Variants in DYSF observed in about 807,000 individuals in gnomAD.
DYSF encodes dysferlin.
Under a neutral mutation model 274.9 loss-of-function variants are expected in DYSF, and 212 were observed. That is an observed-to-expected ratio of 0.77 (90% CI 0.69 to 0.86). The LOEUF is 0.86. Among genes scored for constraint, DYSF ranks in the 40% least tolerant of loss-of-function variants. The pLI is 0.00. For synonymous variants in DYSF, 1,091 were observed against 1,078.7 expected (o/e 1.01, Z -0.22); for missense variants, 2,666 against 2,783.2 (o/e 0.96, Z 0.95).
In DYSF at chr2:71,658,902, C is replaced by T. The variant is rs149768871; in HGVS notation, c.4780C>T (p.Pro1594Ser). ...GGGCCTCTTCAAAATTTATCCCCTC[C>T]CAGAAGACCCAGCCATCCCCATGCC... ...FKGLFKIYPL[P>S]EDPAIPMPPR... The change falls in exon 44 of 56, where the codon CCA (proline) becomes TCA (serine). Residue 1594 changes from proline to serine, a missense_variant. By Grantham distance (74) the Pro-to-Ser change is moderately conservative. Transcript: ENST00000410020. 76 of 1,614,152 alleles carry T rather than the reference C, an allele frequency of 4.7e-5. 1 individual carries two copies. In the African/African-American group the frequency reaches 9.2e-4, roughly 20 times the overall value.
chr2:71,617,911 G>GGT (rs1295834399), intron 40 of DYSF, among the ~76,000 whole-genome samples: 1 of 80,620 alleles, frequency 1.2e-5, no homozygotes, highest in African/African-American at 4.2e-5. Flanking sequence ...TTGTGGTAGA[G>GGT]GTGTGTGTGT....
At chr2:71,484,155 C>T (rs763238909) in intron 3 of DYSF, among the ~76,000 whole-genome samples, 5 of 142,858 alleles carry the variant, frequency 3.5e-5, no homozygotes, top group East Asian at 4.2e-4. Context: ...CAGGTTCAAG[C>T]GATTCTCCTG....
intron 47 of DYSF, among the ~76,000 whole-genome samples, chr2:71,665,837 C>T (rs886079931): frequency 3.3e-5 from 5 of 151,232 alleles, no homozygotes; most frequent in African/African-American, 1.2e-4. Context: ...CCCAGCTCTC[C>T]TGGCTGAGAA....
intron 3 of DYSF, among the ~76,000 whole-genome samples, chr2:71,500,920 C>G (rs543693722): frequency 3.9e-5 from 6 of 152,176 alleles, no homozygotes; most frequent in African/African-American, 1.4e-4. Context: ...CCAGTTTTCT[C>G]GTGATGGGCA....
upstream of DYSF, among the ~76,000 whole-genome samples, chr2:71,465,629 T>G (rs186222625): frequency 2.1e-3 from 316 of 152,252 alleles, 2 homozygotes; most frequent in Admixed American, 2.7e-3. Flanking sequence ...CCTGTGAGAA[T>G]GCTGTATCCC....
intron 14 of DYSF, among the ~76,000 whole-genome samples, chr2:71,533,394 C>G (rs193070343): frequency 1.3e-5 from 2 of 152,330 alleles, no homozygotes; most frequent in East Asian, 3.9e-4. Context: ...GCTTTTTTCA[C>G]TTAATCATAT....
intron 3 of DYSF, among the ~76,000 whole-genome samples, chr2:71,493,232 G>A (rs1009789235): frequency 2.6e-5 from 4 of 152,076 alleles, no homozygotes; most frequent in African/African-American, 9.7e-5. Context: ...TTCCAGTCAT[G>A]TTAATGGATG....
chr2:71,480,106 A>G (rs1364775898), intron 1 of DYSF, among the ~76,000 whole-genome samples: 1 of 152,180 alleles, frequency 6.6e-6, no homozygotes, highest in Non-Finnish European at 1.5e-5. Flanking sequence ...TAGCCCCTGG[A>G]AACAACTAAT....
intron 41 of DYSF, among the ~76,000 whole-genome samples, chr2:71,630,245 C>T (rs1233157171): frequency 2.0e-5 from 3 of 152,164 alleles, no homozygotes; most frequent in Non-Finnish European, 2.9e-5. Context: ...AGAAATCCAG[C>T]AGGGTGGGAG....
At chr2:71,592,063 G>A (rs1157871698) in intron 32 of DYSF, among the ~76,000 whole-genome samples, 1 of 152,252 alleles carries the variant, frequency 6.6e-6, no homozygotes, top group Non-Finnish European at 1.5e-5. Flanking sequence ...ACATGGACGA[G>A]TTTATAGCCT....
chr2:71,661,706 T>C (rs139080832), intron 45 of DYSF, among the ~76,000 whole-genome samples: 1 of 152,158 alleles, frequency 6.6e-6, no homozygotes, highest in African/African-American at 2.4e-5. Flanking sequence ...GGCAGCTATT[T>C]CTCTCGCACC....
In DYSF at chr2:71,515,747, A is replaced by T; in HGVS notation, c.884A>T (p.Asn295Ile). Residue 295 changes from asparagine (N) to isoleucine (I), a missense_variant, in exon 8 of 56, where the codon AAT becomes ATT. Transcript: ENST00000410020. ...RIHKGNSPLFNETLFFNLFDS... is the reference protein window; with the variant it reads ...RIHKGNSPLFIETLFFNLFDS... ...CACAAGGGAAACAGCCCACTCTTCA[A>T]TGAGGTGGGAGACATGGGGCATGAG... 6.2e-7 allele frequency: 1 copy of T among 1,614,134 alleles called. No homozygotes were observed. Among genetic ancestry groups the T allele is most frequent in the Non-Finnish European group, 8.5e-7 (1 of 1,180,018 alleles).
chr2:71,654,475 A>G lies in DYSF; in HGVS notation c.4627-1687A>G, dbSNP rs1039075896. The stretch of plus-strand genomic sequence containing the variant: ...AGATTTTAAAACTCCCACACCGTAT[A>G]AGTGGTTTAAAAAAATAATGTTGAT... On this transcript the variant is annotated intron_variant, in intron 42 of 55. Coordinates refer to ENST00000410020, the MANE Select transcript of DYSF (RefSeq NM_001130987.2). Among the ~76,000 whole-genome samples the G allele has an allele frequency of 2.1e-4, 32 of 152,314 alleles. 1 individual carries two copies. Among genetic ancestry groups the G allele is most frequent in the Admixed American group, 1.8e-3 (28 of 15,306 alleles).
chr2:71,585,298 C>T (rs531220443), intron 30 of DYSF, among the ~76,000 whole-genome samples: 1 of 152,312 alleles, frequency 6.6e-6, no homozygotes, highest in East Asian at 1.9e-4. Flanking sequence ...TGAGGCTATG[C>T]GTGTTAGAAT....
At chr2:71,571,916 C>T (rs1345196843) in intron 29 of DYSF, among the ~76,000 whole-genome samples, 18 of 145,964 alleles carry the variant, frequency 1.2e-4, no homozygotes, top group African/African-American at 4.3e-4. Context: ...CAGATCACAC[C>T]CAGCACATGC....
chr2:71,456,669 G>C (rs1020477750), intron 1 of DYSF, among the ~76,000 whole-genome samples: 1 of 152,160 alleles, frequency 6.6e-6, no homozygotes, highest in Non-Finnish European at 1.5e-5. Flanking sequence ...GCTCACAGAA[G>C]CTTTGTGAGG....
chr2:71,589,861 G>A (rs565623198), intron 31 of DYSF, among the ~76,000 whole-genome samples, 175 bp downstream of exon 31: 71 of 152,238 alleles, frequency 4.7e-4, no homozygotes, highest in African/African-American at 1.6e-3. Context: ...GTGCGTGCAC[G>A]TGTCCGTGCC....
intron 32 of DYSF, among the ~76,000 whole-genome samples, chr2:71,595,970 T>C (rs921063397): frequency 1.3e-5 from 2 of 151,644 alleles, no homozygotes; most frequent in African/African-American, 4.8e-5. Flanking sequence ...TCTGACCACC[T>C]TGCTCTAGCA....
intron 13 of DYSF, among the ~76,000 whole-genome samples, chr2:71,527,971 C>T (rs537183722): frequency 1.1e-4 from 17 of 152,210 alleles, no homozygotes; most frequent in Non-Finnish European, 2.4e-4. Context: ...TAACAACTGC[C>T]AGTCCTTTTC....
Sources: allele counts gnomAD v4.1 joint callset (sites outside exome capture counted in the v4.1 genomes callset), GRCh38; gene constraint gnomAD v4.1.1; transcripts MANE v1.5; gene names NCBI Gene and HGNC (gene_info 2026-07-23, HGNC 2026-07-21).